The following HOXA9 variants were observed in gnomAD, a reference collection of about 807,000 sequenced individuals.
The protein encoded by HOXA9 is homeobox A9, also known as homeobox protein Hox-A9.
A neutral mutation model predicts 19.0 loss-of-function variants in HOXA9; 18 were observed. The observed-to-expected ratio is 0.95, with a 90% CI of 0.65 to 1.40. The LOEUF (loss-of-function observed/expected upper bound fraction) is 1.40. HOXA9 is among the 40% of genes most tolerant of loss of function. HOXA9 has a pLI of 0.00. For missense variants in HOXA9, 443 were observed against 372.2 expected, an observed-to-expected ratio of 1.19 and a Z score of -1.57; for synonymous variants, 198 against 161.1, an observed-to-expected ratio of 1.23 and a Z score of -1.73.
At position 27,165,092 on chromosome 7, in the gene HOXA9, C is replaced by T. The variant is rs1275743750; in HGVS notation, c.366G>A (p.Ala122=). The T allele has an allele frequency of 6.2e-7, 1 of 1,613,160 alleles. No homozygotes were observed. Among genetic ancestry groups the T allele is most frequent in the Non-Finnish European group, 8.5e-7 (1 of 1,179,740 alleles). The change falls in exon 1 of 2, where the codon GCG becomes GCA. Residue 122 remains alanine, a synonymous_variant. Coordinates refer to ENST00000343483, the MANE Select transcript of HOXA9 (RefSeq NM_152739.4). ...LEPTPGALSF[A]GLPSSRPYGI... Reference sequence around the variant, plus strand: ...CATAAGGCCGGCTGGAGGGCAAGCCCGCGAAGGAGAGCGCACCGGGCGTGG... The same window carrying T: ...CATAAGGCCGGCTGGAGGGCAAGCCTGCGAAGGAGAGCGCACCGGGCGTGG...
rs776134481 is a variant in HOXA9 at position 27,165,372 on chromosome 7, C to A, written c.86G>T (p.Arg29Leu). The A allele has an allele frequency of 6.2e-7, 1 of 1,603,574 alleles. No individual in the cohort carries two copies. The highest frequency in any genetic ancestry group is 1.1e-5 in the South Asian group (1 of 89,972). Residue 29 changes from arginine (R) to leucine (L), a missense_variant, in exon 1 of 2, where the codon CGC becomes CTC. Transcript: ENST00000343483. Reference sequence around the variant, plus strand: ...CTGGCCCAGGGTCCCCGGCGCATAGCGGCCAACGCTCAGCTCATCCGCGGC... The same window carrying A: ...CTGGCCCAGGGTCCCCGGCGCATAGAGGCCAACGCTCAGCTCATCCGCGGC... ...ADAADELSVG[R>L]YAPGTLGQPP...
In HOXA9 at chr7:27,163,714, C is replaced by T. The variant is rs1021214763; in HGVS notation, c.708G>A (p.Arg236=). ...LFNMYLTRDR[R]YEVARLLNLT... is the part of the protein sequence containing the mutation. ...GGTTGAGCAGTCGAGCCACCTCGTA[C>T]CTGCGGTCCCTGGTGAGGTACATGT... Residue 236 remains arginine (R), a synonymous_variant, in exon 2 of 2, where the codon AGG becomes AGA. Transcript: ENST00000343483. The T allele has an allele frequency of 1.9e-6, 3 of 1,614,074 alleles. No homozygotes were observed. Among genetic ancestry groups the T allele is most frequent in the African/African-American group, 2.7e-5 (2 of 75,002 alleles).
chr7:27,163,032 TC>T lies in HOXA9; in HGVS notation c.*570del, dbSNP rs1783232526. The T allele has an allele frequency of 9.7e-6, 2 of 206,820 alleles. No homozygotes were observed. Among genetic ancestry groups the T allele is most frequent in the Non-Finnish European group, 2.0e-5 (2 of 101,394 alleles). 12.8% of individuals were successfully genotyped at this position (206,820 alleles called of 1,614,324 possible). A position where few individuals can be genotyped will look rare whatever the true frequency, so the allele number is the denominator to read the frequency against. On this transcript the variant is annotated 3_prime_UTR_variant, in exon 2 of 2. Transcript: ENST00000343483. ...GCTATACTCTATGCAACTGTTTTTT[TC>T]CCCTCATAAACAACCTGAGTTCAAA...
In HOXA9 at chr7:27,163,593, C is replaced by A; in HGVS notation, c.*10G>T. On this transcript the variant is annotated 3_prime_UTR_variant, in exon 2 of 2. Coordinates refer to ENST00000343483, the MANE Select transcript of HOXA9 (RefSeq NM_152739.4). ...AGCTTACCCTTTTTTCTAAATAAGC[C>A]CAAATGGCATCACTCGTCTTTTGCT... 1 of 1,598,114 alleles carries A rather than the reference C, an allele frequency of 6.3e-7. No individual in the cohort carries two copies. Among genetic ancestry groups the A allele is most frequent in the Non-Finnish European group, 8.6e-7 (1 of 1,167,144 alleles).
Position 27,163,345 on chromosome 7 carries a change from T to G in HOXA9, c.*258A>C. On this transcript the variant is annotated 3_prime_UTR_variant, in exon 2 of 2. Coordinates refer to ENST00000343483, the MANE Select transcript of HOXA9 (RefSeq NM_152739.4). The stretch of plus-strand genomic sequence containing the variant: ...TAACACACACAGCTATCAGCACTAA[T>G]GCCCCCCCCTCAACTTTTCCTTTTT... 2.1e-6 allele frequency: 1 copy of G among 478,314 alleles called. No homozygotes were observed. Among genetic ancestry groups the G allele is most frequent in the Non-Finnish European group, 3.7e-6 (1 of 269,104 alleles). 29.6% of individuals were successfully genotyped at this position (478,314 alleles called of 1,614,324 possible).
At position 27,165,272 on chromosome 7, in the gene HOXA9, C is replaced by T; in HGVS notation, c.186G>A (p.Val62=). The T allele has an allele frequency of 6.4e-7, 1 of 1,561,874 alleles. No homozygotes were observed. Among genetic ancestry groups the T allele is most frequent in the African/African-American group, 1.4e-5 (1 of 74,010 alleles). The change falls in exon 1 of 2, where the codon GTG becomes GTA. Residue 62 remains valine, a synonymous_variant. Coordinates refer to ENST00000343483, the MANE Select transcript of HOXA9 (RefSeq NM_152739.4). ...SPCSFQSKAT[V]FGASWNPVHA... is the part of the protein sequence containing the mutation. ...GCACTGGGTTCCACGAGGCGCCAAA[C>T]ACCGTCGCCTTGGACTGGAAGCTGC...
At chr7:27,163,920 C>T in intron 1 of HOXA9, 79 bp from the exon 2 acceptor site, 1 of 1,208,484 alleles carries the variant, frequency 8.3e-7, no homozygotes, top group Non-Finnish European at 1.2e-6. Context: ...TGCATGGGGT[C>T]TCTGGCCGAA....
In HOXA9 at chr7:27,164,800, G is replaced by A. The variant is rs1583425992; in HGVS notation, c.580+78C>T. On this transcript the variant is annotated intron_variant, in intron 1 of 1. Coordinates refer to ENST00000343483, the MANE Select transcript of HOXA9 (RefSeq NM_152739.4). ...TTCCAGCGAGGACGAAGGCAGGCTC[G>A]AGAGAAACCTGGCGGGCCAGCAGAT... 1.0e-5 allele frequency: 16 copies of A among 1,556,288 alleles called. No homozygotes were observed. The East Asian group carries it at 3.6e-4, about 35-fold the overall frequency.
Position 27,165,536 on chromosome 7 carries a change from G to A in HOXA9, c.-79C>T. On this transcript the variant is annotated 5_prime_UTR_variant, in exon 1 of 2. Coordinates refer to ENST00000343483, the MANE Select transcript of HOXA9 (RefSeq NM_152739.4). ...GCAGATTTCATGTAACAACTTGGTG[G>A]CACCGGGGGGGAAGTACAGTCACCT... The A allele has an allele frequency of 6.9e-7, 1 of 1,447,358 alleles. No individual in the cohort carries two copies. The highest frequency in any genetic ancestry group is 9.0e-7 in the Non-Finnish European group (1 of 1,105,786). 89.7% of individuals were successfully genotyped at this position (1,447,358 alleles called of 1,614,324 possible). A position where few individuals can be genotyped will look rare whatever the true frequency, so the allele number is the denominator to read the frequency against.
intron 1 of HOXA9, among the ~76,000 whole-genome samples, chr7:27,164,254 C>G (rs1010540779): frequency 3.3e-5 from 5 of 152,260 alleles, no homozygotes; most frequent in African/African-American, 1.2e-4. Flanking sequence ...CAACCTGTCC[C>G]TCTACGCCCC....
At position 27,163,564 on chromosome 7, in the gene HOXA9, C is replaced by A; in HGVS notation, c.*39G>T. 1.3e-6 allele frequency: 2 copies of A among 1,492,606 alleles called. No individual in the cohort carries two copies. Among genetic ancestry groups the A allele is most frequent in the South Asian group, 1.1e-5 (1 of 87,590 alleles). The allele number at this position is 1,492,606 out of a possible 1,614,324, so 92.5% of individuals were successfully genotyped here. A position where few individuals can be genotyped will look rare whatever the true frequency, so the allele number is the denominator to read the frequency against. ...GGGACGGACAGTTCTTTCTTTTTCT[C>A]TCTAGCTTACCCTTTTTTCTAAATA... On this transcript the variant is annotated 3_prime_UTR_variant, in exon 2 of 2. Coordinates refer to ENST00000343483, the MANE Select transcript of HOXA9 (RefSeq NM_152739.4).
rs1328723089 is a variant in HOXA9, at chr7:27,165,140, C to T, written c.318G>A (p.Arg106=). ...TGGGCTCCAGCCAGGAGCGCATGTACCTGCCGTCCGGCGCCGCCGCCGCCA... is the reference window on the plus strand; with the variant it reads ...TGGGCTCCAGCCAGGAGCGCATGTATCTGCCGTCCGGCGCCGCCGCCGCCA... ...APVAAAAPDG[R]YMRSWLEPTP... is the part of the protein sequence containing the mutation. The change falls in exon 1 of 2, where the codon AGG becomes AGA. Residue 106 remains arginine, a synonymous_variant. Transcript: ENST00000343483. 6.2e-7 allele frequency: 1 copy of T among 1,601,684 alleles called. No homozygotes were observed. Among genetic ancestry groups the T allele is most frequent in the Non-Finnish European group, 8.5e-7 (1 of 1,173,822 alleles).
rs751892246 is a variant in HOXA9 at position 27,165,310 on chromosome 7, C to T, written c.148G>A (p.Asp50Asn). The T allele has an allele frequency of 7.0e-6, 11 of 1,572,240 alleles. No individual in the cohort carries two copies. The highest frequency in any genetic ancestry group is 2.3e-5 in the East Asian group (1 of 43,008). Residue 50 changes from aspartate (D) to asparagine (N), a missense_variant, in exon 1 of 2, where the codon GAC (aspartate) becomes AAC (asparagine). Asp to Asn is a conservative substitution (Grantham distance 23). Coordinates refer to ENST00000343483, the MANE Select transcript of HOXA9 (RefSeq NM_152739.4). ...GACTGGAAGCTGCACGGGCTGAAGT[C>T]GGGGTGCTCGGCCAGCGTCGCCGCC... ...RQAATLAEHP[D>N]FSPCSFQSKA...
In HOXA9 at chr7:27,165,425, G is replaced by A. The variant is rs746217061; in HGVS notation, c.33C>T (p.Tyr11=). MATTGALGNY[Y]VDSFLLGADA... ...CGGCGCCCAGCAGGAACGAGTCCAC[G>A]TAGTAGTTGCCCAGGGCCCCAGTGG... Residue 11 remains tyrosine, a synonymous_variant, in exon 1 of 2, where the codon TAC becomes TAT. Coordinates refer to ENST00000343483, the MANE Select transcript of HOXA9 (RefSeq NM_152739.4). 1 of 1,609,348 alleles carries A rather than the reference G, an allele frequency of 6.2e-7. No homozygotes were observed. Among genetic ancestry groups the A allele is most frequent in the Non-Finnish European group, 8.5e-7 (1 of 1,178,880 alleles).
chr7:27,163,036 CT>C lies in HOXA9; in HGVS notation c.*566del. On this transcript the variant is annotated 3_prime_UTR_variant, in exon 2 of 2. Transcript: ENST00000343483. ...TACTCTATGCAACTGTTTTTTTCCC[CT>C]CATAAACAACCTGAGTTCAAATTGA... 1 of 207,190 alleles carries C rather than the reference CT, an allele frequency of 4.8e-6. No homozygotes were observed. Among genetic ancestry groups the C allele is most frequent in the Non-Finnish European group, 9.8e-6 (1 of 101,564 alleles). The allele number at this position is 207,190 out of a possible 1,614,324, so 12.8% of individuals were successfully genotyped here. A position where few individuals can be genotyped will look rare whatever the true frequency, so the allele number is the denominator to read the frequency against.
At chr7:27,164,246 A>T (rs574245060) in intron 1 of HOXA9, among the ~76,000 whole-genome samples, 5 of 152,036 alleles carry the variant, frequency 3.3e-5, no homozygotes, top group Non-Finnish European at 7.4e-5. Flanking sequence ...TTCTTTCCCA[A>T]CCTGTCCCTC....
chr7:27,164,239 T>C (rs1456281762), intron 1 of HOXA9, among the ~76,000 whole-genome samples: 1 of 152,268 alleles, frequency 6.6e-6, no homozygotes, highest in Admixed American at 6.5e-5. Flanking sequence ...TTCGTCTTTC[T>C]TTCCCAACCT....
chr7:27,164,796 G>A (rs990231710), intron 1 of HOXA9, 82 bp downstream of exon 1: 2 of 1,553,454 alleles, frequency 1.3e-6, no homozygotes, highest in Admixed American at 3.7e-5. Context: ...ACGAAGGCAG[G>A]CTCGAGAGAA....
In HOXA9 at chr7:27,165,235, C is replaced by A. The variant is rs1783303877; in HGVS notation, c.223G>T (p.Ala75Ser). The A allele has an allele frequency of 3.8e-6, 6 of 1,564,720 alleles. No homozygotes were observed. The highest frequency in any genetic ancestry group is 1.2e-5 in the South Asian group (1 of 85,298). The change falls in exon 1 of 2, where the codon GCC (alanine) becomes TCC (serine). Residue 75 changes from alanine (A) to serine (S), a missense_variant. Transcript: ENST00000343483. ...TACACCGCAGCGGGTACAGCGTTGG[C>A]GCCCGCCGCGTGCACTGGGTTCCAC... Reference protein sequence around the residue: ...ASWNPVHAAGANAVPAAVYHH... With the variant: ...ASWNPVHAAGSNAVPAAVYHH...
Sources: allele counts gnomAD v4.1 joint callset (sites outside exome capture counted in the v4.1 genomes callset), GRCh38; gene constraint gnomAD v4.1.1; transcripts MANE v1.5; gene names NCBI Gene and HGNC (gene_info 2026-07-23, HGNC 2026-07-21).